The following ITGB6 variants were observed in gnomAD, a reference collection of about 807,000 sequenced individuals.
ITGB6 encodes the protein integrin subunit beta 6, also known as integrin beta-6.
Under a neutral mutation model 84.5 loss-of-function variants are expected in ITGB6, and 80 were observed. The ratio of observed to expected loss-of-function variants is 0.95; its 90% confidence interval spans 0.79 to 1.14. The LOEUF is 1.14. Ranked by LOEUF, ITGB6 falls within the 50% of genes most tolerant of loss-of-function variation. The pLI, the probability that ITGB6 is intolerant of heterozygous loss-of-function variation, is 0.00. For synonymous variants in ITGB6, 383 were observed against 354.9 expected, an observed-to-expected ratio of 1.08 and a Z score of -0.89; for missense variants, 1,006 against 968.0, an observed-to-expected ratio of 1.04 and a Z score of -0.52.
At chr2:160,169,770 T>G (rs1350519164) in intron 6 of ITGB6, among the ~76,000 whole-genome samples, 3 of 152,198 alleles carry the variant, frequency 2.0e-5, no homozygotes, top group Non-Finnish European at 4.4e-5. Context: ...TGAGGTGGAA[T>G]GAGGGTTGCT....
At chr2:160,188,748 C>G (rs963949994) in intron 4 of ITGB6, among the ~76,000 whole-genome samples, 1 of 152,112 alleles carries the variant, frequency 6.6e-6, no homozygotes, top group Admixed American at 6.5e-5. Flanking sequence ...GGATTACAGG[C>G]ATGTGCCCCC....
rs370341448 is a variant in ITGB6 at position 160,200,024 on chromosome 2, C to T, written c.40G>A (p.Gly14Arg). The T allele has an allele frequency of 4.3e-6, 7 of 1,613,596 alleles. No homozygotes were observed. The African/African-American group carries it at 5.3e-5, about 12-fold the overall frequency. ...TTACCTTGTACGTGATCATTCCTTC[C>T]TAGAAATAGAAAGAACAGGCAAAGC... ...ELLCLFFLFLGRNDHVQGGCA... is the reference protein window; with the variant it reads ...ELLCLFFLFLRRNDHVQGGCA... The change falls in exon 1 of 15, where the codon GGA (glycine) becomes AGA (arginine). Residue 14 changes from glycine (G) to arginine (R), a missense_variant. Gly to Arg is a moderately radical substitution (Grantham distance 125, BLOSUM62 -2). Coordinates refer to ENST00000283249, the MANE Select transcript of ITGB6 (RefSeq NM_000888.5).
At position 160,126,405 on chromosome 2, in the gene ITGB6, G is replaced by A. The variant is rs781307167; in HGVS notation, c.1857C>T (p.Thr619=). The A allele has an allele frequency of 1.9e-6, 3 of 1,614,190 alleles. No homozygotes were observed. Among genetic ancestry groups the A allele is most frequent in the East Asian group, 4.5e-5 (2 of 44,884 alleles). The change falls in exon 11 of 15, where the codon ACC becomes ACT. Residue 619 remains threonine (T), a synonymous_variant. Coordinates refer to ENST00000283249, the MANE Select transcript of ITGB6 (RefSeq NM_000888.5). ...GTTTAGAGTTACAGGGGTCACCACA[G>A]GTAGGACATCGTTCACAGGTTGGTC... ...ASGPTCERCP[T]CGDPCNSKRS...
In ITGB6 at chr2:160,200,010, G is replaced by T; in HGVS notation, c.54C>A (p.His18Gln). ...LFFLFLGRND[H>Q]VQGGCALGGA... The stretch of plus-strand genomic sequence containing the variant: ...AGAGAACGCAGGTCTTACCTTGTAC[G>T]TGATCATTCCTTCCTAGAAATAGAA... The change falls in exon 1 of 15, where the codon CAC (histidine) becomes CAA (glutamine). Residue 18 changes from histidine to glutamine, a missense_variant. Coordinates refer to ENST00000283249, the MANE Select transcript of ITGB6 (RefSeq NM_000888.5). 6.2e-7 allele frequency: 1 copy of T among 1,612,900 alleles called. No homozygotes were observed. Among genetic ancestry groups the T allele is most frequent in the Non-Finnish European group, 8.5e-7 (1 of 1,178,998 alleles).
chr2:160,136,905 G>T (rs1683754173), intron 10 of ITGB6, among the ~76,000 whole-genome samples: 1 of 151,402 alleles, frequency 6.6e-6, no homozygotes, highest in Non-Finnish European at 1.5e-5. Flanking sequence ...CTGTTGTGGG[G>T]TGGGGGGAAG....
intron 7 of ITGB6, among the ~76,000 whole-genome samples, chr2:160,166,849 T>C (rs551300900): frequency 8.5e-5 from 13 of 152,312 alleles, no homozygotes; most frequent in African/African-American, 3.1e-4. Context: ...TTCATCTCTG[T>C]TACAACAATG....
chr2:160,112,243 A>C, intron 12 of ITGB6, 44 bp from the exon 13 acceptor site: 1 of 1,555,208 alleles, frequency 6.4e-7, no homozygotes, highest in Non-Finnish European at 8.8e-7. Context: ...AAGATTCCAA[A>C]AGAGATTGTT....
At chr2:160,145,041 G>A (rs1342839957) in intron 7 of ITGB6, among the ~76,000 whole-genome samples, 1 of 152,160 alleles carries the variant, frequency 6.6e-6, no homozygotes, top group East Asian at 1.9e-4. Flanking sequence ...AAATATTGTA[G>A]TATTATGATT....
At chr2:160,142,439 C>T (rs1350546541) in intron 7 of ITGB6, among the ~76,000 whole-genome samples, 1 of 152,218 alleles carries the variant, frequency 6.6e-6, no homozygotes, top group African/African-American at 2.4e-5. Context: ...AGGAACTTCT[C>T]TTTTTGTAAC....
chr2:160,187,303 A>T (rs529209699), intron 4 of ITGB6, among the ~76,000 whole-genome samples: 1 of 152,280 alleles, frequency 6.6e-6, no homozygotes, highest in East Asian at 1.9e-4. Flanking sequence ...CACATTGGTT[A>T]AAAAAATCCA....
intron 7 of ITGB6, among the ~76,000 whole-genome samples, chr2:160,158,927 C>T (rs868444526): frequency 1.2e-4 from 18 of 151,968 alleles, no homozygotes; most frequent in African/African-American, 2.2e-4. Context: ...GGTGAAACCC[C>T]GTCTCTAATA....
chr2:160,171,332 TTTTTA>T (rs1215942436), intron 6 of ITGB6, among the ~76,000 whole-genome samples: 3 of 146,074 alleles, frequency 2.1e-5, no homozygotes, highest in South Asian at 2.3e-4. Context: ...CAAATTTATT[TTTTTA>T]TTTTTTTTTT....
At chr2:160,164,506 A>G (rs1684930647) in intron 7 of ITGB6, among the ~76,000 whole-genome samples, 1 of 152,098 alleles carries the variant, frequency 6.6e-6, no homozygotes. Context: ...AGTTTGGCTA[A>G]CTAACATGGC....
intron 4 of ITGB6, among the ~76,000 whole-genome samples, chr2:160,194,690 T>C (rs1404089136): frequency 1.3e-5 from 2 of 152,152 alleles, no homozygotes; most frequent in Non-Finnish European, 2.9e-5. Flanking sequence ...TCATTTTCAA[T>C]AGGAGAATAT....
At chr2:160,105,370 CTG>C (rs1271095185) in intron 14 of ITGB6, among the ~76,000 whole-genome samples, 8 of 152,088 alleles carry the variant, frequency 5.3e-5, no homozygotes, top group Non-Finnish European at 1.2e-4. Flanking sequence ...GGGAAATTAA[CTG>C]TTAATTAAAA....
intron 12 of ITGB6, among the ~76,000 whole-genome samples, chr2:160,113,337 T>C (rs1040714845): frequency 4.6e-5 from 7 of 152,220 alleles, no homozygotes; most frequent in Admixed American, 1.3e-4. Flanking sequence ...AAAAATGCCA[T>C]AGCCATAGAT....
Position 160,200,236 on chromosome 2 carries a change from C to A in ITGB6, c.-173G>T. 1.8e-6 allele frequency: 1 copy of A among 564,740 alleles called. No individual in the cohort carries two copies. Among genetic ancestry groups the A allele is most frequent in the Non-Finnish European group, 3.1e-6 (1 of 326,404 alleles). 35.0% of individuals were successfully genotyped at this position (564,740 alleles called of 1,614,324 possible). On this transcript the variant is annotated 5_prime_UTR_variant, in exon 1 of 15. Coordinates refer to ENST00000283249, the MANE Select transcript of ITGB6 (RefSeq NM_000888.5). ...ATAAGTTAGAAAGTTTTCATTAAGA[C>A]TGAAATGAAAACAGAGGCTACCTGG...
At chr2:160,178,582 C>T (rs1685530933) in intron 4 of ITGB6, among the ~76,000 whole-genome samples, 1 of 152,006 alleles carries the variant, frequency 6.6e-6, no homozygotes. Context: ...TAAAGCAAAA[C>T]AGAATGTCAG....
chr2:160,142,911 T>C (rs1684053633), intron 7 of ITGB6, among the ~76,000 whole-genome samples: 2 of 152,246 alleles, frequency 1.3e-5, no homozygotes, highest in Admixed American at 1.3e-4. Context: ...AGGTGTGTGA[T>C]AGACATACCT....
Sources: gnomAD v4.1 joint callset for allele counts (sites outside exome capture counted in the v4.1 genomes callset) on GRCh38, gnomAD v4.1.1 for gene constraint, MANE v1.5 for transcripts, NCBI Gene and HGNC (gene_info 2026-07-23, HGNC 2026-07-21) for gene names.